Variants in NAGPA observed in about 807,000 individuals in gnomAD.
The protein encoded by NAGPA is alpha-N-acetylglucosaminyl phosphodiesterase.
In NAGPA, 56 loss-of-function variants were observed where a neutral mutation model predicts 48.5. That is an observed-to-expected ratio of 1.15 (90% CI 0.93 to 1.44). The LOEUF is 1.44. NAGPA is among the 40% of genes most tolerant of loss of function. The probability of loss-of-function intolerance (pLI) is 0.00; values close to 1 mark genes in which losing one functional copy is unlikely to be tolerated. For missense variants in NAGPA, 888 were observed against 735.0 expected (o/e 1.21, Z -2.41); for synonymous variants, 399 against 315.5 (o/e 1.26, Z -2.81).
intron 9 of NAGPA, among the ~76,000 whole-genome samples, chr16:5,025,928 ATTTTTT>A (rs566702374): frequency 7.2e-6 from 1 of 139,720 alleles, no homozygotes; most frequent in African/African-American, 2.6e-5. Context: ...CCATCTCCTG[ATTTTTT>A]TTTTTTTTTT....
chr16:5,031,555 T>C, intron 3 of NAGPA, 190 bp downstream of exon 3: 2 of 760,548 alleles, frequency 2.6e-6, no homozygotes, highest in Non-Finnish European at 4.5e-6. Flanking sequence ...TTTCAGCATA[T>C]TCTATAACTA....
rs1287017369 is a variant in NAGPA, at chr16:5,028,067, A to G, written c.1039T>C (p.Cys347Arg). The G allele has an allele frequency of 1.9e-6, 3 of 1,613,572 alleles. No homozygotes were observed. The highest frequency in any genetic ancestry group is 2.2e-5 in the South Asian group (2 of 91,062). ...GGACCCCGCCAGAAGTGCCCGGTGC[A>G]TTGGCAGTGCCCGTCCACGCAGGTC... ...HGTCVDGHCQ[C>R]TGHFWRGPGC... The change falls in exon 6 of 10, where the codon TGC becomes CGC. Residue 347 changes from cysteine to arginine, a missense_variant. Physicochemically the swap from Cys to Arg is radical, Grantham distance 180. Transcript: ENST00000312251.
At position 5,029,011 on chromosome 16, in the gene NAGPA, G is replaced by A; in HGVS notation, c.792-3C>T. ...CCGCCATTTCCCACAGGTTGATGCT[G>A]CGGCACAAAGCGGCGCTGCTCAGGC... On this transcript the variant is annotated splice_polypyrimidine_tract_variant and splice_region_variant and intron_variant, in intron 4 of 9. Transcript: ENST00000312251. The A allele has an allele frequency of 6.2e-7, 1 of 1,612,710 alleles. No homozygotes were observed.
At position 5,033,593 on chromosome 16, in the gene NAGPA, G is replaced by T; in HGVS notation, c.222C>A (p.Gly74=). The T allele has an allele frequency of 2.7e-6, 4 of 1,485,174 alleles. No individual in the cohort carries two copies. The highest frequency in any genetic ancestry group is 3.5e-6 in the Non-Finnish European group (4 of 1,129,170). 92.0% of individuals were successfully genotyped at this position (1,485,174 alleles called of 1,614,324 possible). A position where few individuals can be genotyped will look rare whatever the true frequency, so the allele number is the denominator to read the frequency against. The part of the protein sequence containing the change: ...WPPPPATPGA[G]GLAVRTFVSH... Reference sequence around the variant, plus strand: ...ACACGAAGGTGCGCACGGCCAGACCGCCGGCGCCGGGAGTCGCGGGAGGCG... The same window carrying T: ...ACACGAAGGTGCGCACGGCCAGACCTCCGGCGCCGGGAGTCGCGGGAGGCG... The change falls in exon 2 of 10, where the codon GGC becomes GGA. Residue 74 remains glycine (G), a synonymous_variant. Transcript: ENST00000312251. The surrounding 1 kb of genome is among the most constrained non-coding windows in gnomAD (Gnocchi z 4.2).
chr16:5,033,899 C>T lies in NAGPA; in HGVS notation c.16G>A (p.Gly6Ser). The T allele has an allele frequency of 6.5e-7, 1 of 1,549,144 alleles. No individual in the cohort carries two copies. The highest frequency in any genetic ancestry group is 8.7e-7 in the Non-Finnish European group (1 of 1,146,892). The change falls in exon 1 of 10, where the codon GGT becomes AGT. Residue 6 changes from glycine (G) to serine (S), a missense_variant. By Grantham distance (56) the Gly-to-Ser change is moderately conservative. Coordinates refer to ENST00000312251, the MANE Select transcript of NAGPA (RefSeq NM_016256.4). The surrounding 1 kb of genome is among the most constrained non-coding windows in gnomAD (Gnocchi z 4.2). ...GCAAGCCGGAGGAGAAGCCAGCGACCCGTGGAGGTCGCCATATTGGACCGG... is the reference window on the plus strand; with the variant it reads ...GCAAGCCGGAGGAGAAGCCAGCGACTCGTGGAGGTCGCCATATTGGACCGG... MATST[G>S]RWLLLRLALF...
rs767007994 is a variant in NAGPA at position 5,033,481 on chromosome 16, G to A, written c.334C>T (p.Pro112Ser). Reference protein sequence around the residue: ...RTFSVLEPGGPGGCAARRRAT... With the variant: ...RTFSVLEPGGSGGCAARRRAT... ...CGTCGTCTCGCCGCGCAGCCGCCGG[G>A]TCCACCGGGCTCCAGCACCGAGAAG... The change falls in exon 2 of 10, where the codon CCC becomes TCC. Residue 112 changes from proline to serine, a missense_variant. Physicochemically the swap from Pro to Ser is moderately conservative, Grantham distance 74. Coordinates refer to ENST00000312251, the MANE Select transcript of NAGPA (RefSeq NM_016256.4). The surrounding 1 kb of genome is among the most constrained non-coding windows in gnomAD (Gnocchi z 4.2). 6 of 1,573,174 alleles carry A rather than the reference G, an allele frequency of 3.8e-6. No individual in the cohort carries two copies. The highest frequency in any genetic ancestry group is 5.1e-6 in the Non-Finnish European group (6 of 1,167,704).
rs146522066 is a variant in NAGPA at position 5,028,800 on chromosome 16, G to T, written c.920+80C>A. ...ACCCCCGGGGCCTGGCACATAGCAG[G>T]CACTCAATATTGGCTGAATGAGACA... On this transcript the variant is annotated intron_variant, in intron 5 of 9. Coordinates refer to ENST00000312251, the MANE Select transcript of NAGPA (RefSeq NM_016256.4). The T allele has an allele frequency of 4.0e-4, 644 of 1,605,552 alleles. 1 individual carries two copies. The African/African-American group carries it at 7.7e-3, about 19-fold the overall frequency.
Position 5,028,949 on chromosome 16 carries a change from T to A in NAGPA, c.851A>T (p.Asn284Ile). 6.2e-7 allele frequency: 1 copy of A among 1,614,028 alleles called. No homozygotes were observed. Among genetic ancestry groups the A allele is most frequent in the Non-Finnish European group, 8.5e-7 (1 of 1,180,044 alleles). ...GGTGGCAGAGCCACCCCCATCCAGG[T>A]TGATGGCGTTGACCACGTCCTGTTT... is the stretch of plus-strand genomic sequence containing the variant. ...LLKQDVVNAI[N>I]LDGGGSATFV... The change falls in exon 5 of 10, where the codon AAC becomes ATC. Residue 284 changes from asparagine to isoleucine, a missense_variant. Transcript: ENST00000312251.
chr16:5,032,496 C>G (rs1956118791), intron 2 of NAGPA, among the ~76,000 whole-genome samples: 1 of 150,484 alleles, frequency 6.6e-6, no homozygotes, highest in African/African-American at 2.5e-5. Context: ...CCCCCGTTCC[C>G]CACCCCATCC....
chr16:5,025,438 A>G lies in NAGPA; in HGVS notation c.*40T>C, dbSNP rs1408640049. ...CCTGCAGAAGCCAGACCGTGGGGAAACAAGCTTTCGCGACGTGCCACCCCG... is the reference window on the plus strand; with the variant it reads ...CCTGCAGAAGCCAGACCGTGGGGAAGCAAGCTTTCGCGACGTGCCACCCCG... On this transcript the variant is annotated 3_prime_UTR_variant, in exon 10 of 10. Coordinates refer to ENST00000312251, the MANE Select transcript of NAGPA (RefSeq NM_016256.4). The G allele has an allele frequency of 8.7e-6, 14 of 1,606,752 alleles. No homozygotes were observed. The Middle Eastern group carries it at 6.8e-4, about 78-fold the overall frequency.
rs1567142606 is a variant in NAGPA, at chr16:5,033,125, ACT to A, written c.542+146_542+147del. On this transcript the variant is annotated intron_variant, in intron 2 of 9. Coordinates refer to ENST00000312251, the MANE Select transcript of NAGPA (RefSeq NM_016256.4). The surrounding 1 kb of genome is among the most constrained non-coding windows in gnomAD (Gnocchi z 4.2). ...CTCAATGATACTGGATGATGAATAA[ACT>A]CTGCAAGGAAGCGATTCCTATCCCC... The A allele has an allele frequency of 1.1e-6, 1 of 935,430 alleles. No individual in the cohort carries two copies. The allele number at this position is 935,430 out of a possible 1,614,324, so 57.9% of individuals were successfully genotyped here. A position where few individuals can be genotyped will look rare whatever the true frequency, so the allele number is the denominator to read the frequency against.
At position 5,025,187 on chromosome 16, in the gene NAGPA, T is replaced by C; in HGVS notation, c.*291A>G. The stretch of plus-strand genomic sequence containing the variant: ...CTTCCCCAGGAGGAGGGAGACTCTT[T>C]GGCAGTGCGGCAGCCCTCCCGGGGG... On this transcript the variant is annotated 3_prime_UTR_variant, in exon 10 of 10. Coordinates refer to ENST00000312251, the MANE Select transcript of NAGPA (RefSeq NM_016256.4). 1 of 482,618 alleles carries C rather than the reference T, an allele frequency of 2.1e-6. No homozygotes were observed. The highest frequency in any genetic ancestry group is 3.8e-6 in the Non-Finnish European group (1 of 263,114). The allele number at this position is 482,618 out of a possible 1,614,324, so 29.9% of individuals were successfully genotyped here.
rs374113806 is a variant in NAGPA, at chr16:5,028,984, C to T, written c.816G>A (p.Glu272=). ...QRGINLWEMA[E]FLLKQDVVNA... ...TGACCACGTCCTGTTTCAGCAGGAA[C>T]TCCGCCATTTCCCACAGGTTGATGC... The change falls in exon 5 of 10, where the codon GAG becomes GAA. Residue 272 remains glutamate, a synonymous_variant. Coordinates refer to ENST00000312251, the MANE Select transcript of NAGPA (RefSeq NM_016256.4). The T allele has an allele frequency of 5.0e-6, 8 of 1,613,798 alleles. No individual in the cohort carries two copies. In the African/African-American group the frequency reaches 5.3e-5, roughly 11 times the overall value.
rs1053568854 is a variant in NAGPA at position 5,028,048 on chromosome 16, C to T, written c.1058G>A (p.Arg353Gln). ...GTCCAGCTCATCACAGCCGGGACCC[C>T]GCCAGAAGTGCCCGGTGCATTGGCA... ...GHCQCTGHFW[R>Q]GPGCDELDCG... Residue 353 changes from arginine (R) to glutamine (Q), a missense_variant, in exon 6 of 10, where the codon CGG becomes CAG. Transcript: ENST00000312251. The T allele has an allele frequency of 1.1e-5, 17 of 1,613,908 alleles. No homozygotes were observed. The highest frequency in any genetic ancestry group is 1.4e-5 in the Non-Finnish European group (16 of 1,179,944).
At chr16:5,026,996 G>C (rs1956012714) in intron 9 of NAGPA, 139 bp downstream of exon 9, 2 of 1,063,640 alleles carry the variant, frequency 1.9e-6, no homozygotes, top group Admixed American at 2.0e-5. Context: ...AAAGCAGACA[G>C]TGGGGAGAGC....
At chr16:5,029,155 C>G (rs1956058933) in intron 4 of NAGPA, 147 bp from the exon 5 acceptor site, 3 of 1,359,212 alleles carry the variant, frequency 2.2e-6, no homozygotes, top group Non-Finnish European at 3.1e-6. Flanking sequence ...TCATCCTAGC[C>G]CCCGGAAGCT....
Position 5,028,047 on chromosome 16 carries a change from C to A in NAGPA, c.1059G>T (p.Arg353=). Residue 353 remains arginine (R), a synonymous_variant, in exon 6 of 10, where the codon CGG becomes CGT. Coordinates refer to ENST00000312251, the MANE Select transcript of NAGPA (RefSeq NM_016256.4). ...AGTCCAGCTCATCACAGCCGGGACC[C>A]CGCCAGAAGTGCCCGGTGCATTGGC... The part of the protein sequence containing the change: ...GHCQCTGHFW[R]GPGCDELDCG... The A allele has an allele frequency of 1.2e-6, 2 of 1,613,894 alleles. No homozygotes were observed. Among genetic ancestry groups the A allele is most frequent in the Non-Finnish European group, 1.7e-6 (2 of 1,179,940 alleles).
chr16:5,030,377 G>A lies in NAGPA; in HGVS notation c.791+8C>T, dbSNP rs775216572. 15 of 1,550,676 alleles carry A rather than the reference G, an allele frequency of 9.7e-6. No individual in the cohort carries two copies. Among genetic ancestry groups the A allele is most frequent in the Admixed American group, 2.0e-5 (1 of 50,994 alleles). On this transcript the variant is annotated splice_region_variant and intron_variant, in intron 4 of 9. Transcript: ENST00000312251. Reference sequence around the variant, plus strand: ...CCCGGCCGGGGGGCCTCAGCTCCCAGGACTCACCCACGCTGCTCCGTTTGG... The same window carrying A: ...CCCGGCCGGGGGGCCTCAGCTCCCAAGACTCACCCACGCTGCTCCGTTTGG...
intron 4 of NAGPA, 45 bp downstream of exon 4, chr16:5,030,340 G>A (rs1167759558): frequency 1.9e-5 from 29 of 1,515,160 alleles, no homozygotes; most frequent in Non-Finnish European, 2.5e-5. Context: ...GTTCCTCCTA[G>A]CAGGACTGAG....
Sources: allele counts gnomAD v4.1 joint callset (sites outside exome capture counted in the v4.1 genomes callset), GRCh38; gene constraint gnomAD v4.1.1; non-coding constraint Gnocchi (gnomAD v3.1); transcripts MANE v1.5; gene names NCBI Gene and HGNC (gene_info 2026-07-23, HGNC 2026-07-21).